SI: variants seen among roughly 807,000 people sequenced by gnomAD.
SI encodes the protein sucrase-isomaltase.
A neutral mutation model predicts 253.3 loss-of-function variants in SI; 235 were observed. The ratio of observed to expected loss-of-function variants is 0.93; its 90% confidence interval spans 0.83 to 1.03. The LOEUF (loss-of-function observed/expected upper bound fraction) is 1.03. Ranked by LOEUF, SI falls within the 50% of genes least tolerant of loss-of-function variation. SI has a pLI of 0.00. For synonymous variants in SI, 819 were observed against 712.0 expected, an observed-to-expected ratio of 1.15 and a Z score of -2.39; for missense variants, 2,442 against 2,211.1, an observed-to-expected ratio of 1.10 and a Z score of -2.09.
the SI span, among the ~76,000 whole-genome samples, chr3:165,089,857 A>AC: frequency 1.8e-3 from 275 of 152,128 alleles, 2 homozygotes; most frequent in Admixed American, 0.016. Flanking sequence ...GCACCTTATA[A>AC]CATTGGAGCT....
At position 165,000,597 on chromosome 3, in the gene SI, G is replaced by A. The variant is rs149024751; in HGVS notation, c.4407-1924C>T. 4.3e-3 allele frequency among the ~76,000 whole-genome samples: 649 copies of A among 151,294 alleles called. 3 individuals carry two copies. Among genetic ancestry groups the A allele is most frequent in the African/African-American group, 0.015 (630 of 41,444 alleles). On this transcript the variant is annotated intron_variant, in intron 37 of 47. Transcript: ENST00000264382. The stretch of plus-strand genomic sequence containing the variant: ...ATTAAAATAAAACTATAAAATAAAT[G>A]AGGTATTTTCATAATAATTTTCTCT...
rs143785192 is a variant in SI, at chr3:164,992,114, G to T, written c.4983+63C>A. The T allele has an allele frequency of 6.0e-6, 8 of 1,340,174 alleles. No individual in the cohort carries two copies. In the African/African-American group the frequency reaches 7.2e-5, roughly 12 times the overall value. The allele number at this position is 1,340,174 out of a possible 1,614,324, so 83.0% of individuals were successfully genotyped here. A position where few individuals can be genotyped will look rare whatever the true frequency, so the allele number is the denominator to read the frequency against. ...AATCCAACATACCGTTAATGAAAAG[G>T]CTAGGGCCAAACAATTACCCGTTTC... On this transcript the variant is annotated intron_variant, in intron 43 of 47. Coordinates refer to ENST00000264382, the MANE Select transcript of SI (RefSeq NM_001041.4).
rs140894992 is a variant in SI, at chr3:164,982,326, C to T, written c.5332G>A (p.Gly1778Arg). 1.6e-5 allele frequency: 25 copies of T among 1,612,834 alleles called. No individual in the cohort carries two copies. Among genetic ancestry groups the T allele is most frequent in the Admixed American group, 3.3e-5 (2 of 59,868 alleles). ...GTAACTGCATTGACAGGAGTAGTTC[C>T]TTTCCCCCATACATGAAGGGATCCA... ...RLGSLHVWGK[G>R]TTPVNAVTLT... Residue 1778 changes from glycine to arginine, a missense_variant, in exon 47 of 48, where the codon GGA (glycine) becomes AGA (arginine). Gly to Arg is a moderately radical substitution (Grantham distance 125). Coordinates refer to ENST00000264382, the MANE Select transcript of SI (RefSeq NM_001041.4).
intron 24 of SI, among the ~76,000 whole-genome samples, chr3:165,031,563 C>T (rs948265721): frequency 1.5e-4 from 23 of 149,458 alleles, no homozygotes; most frequent in Non-Finnish European, 3.1e-4. Context: ...CATAATATGC[C>T]TATTAAATAA....
intron 25 of SI, among the ~76,000 whole-genome samples, chr3:165,026,479 T>A (rs1711927811): frequency 6.6e-6 from 1 of 151,052 alleles, no homozygotes; most frequent in Non-Finnish European, 1.5e-5. Context: ...CCAGAAAAAA[T>A]GGACTTAACA....
rs74590097 is a variant in SI, at chr3:165,045,848, A to ATT, written c.1887+991_1887+992dup. Among the ~76,000 whole-genome samples, 97 of 120,808 alleles carry ATT rather than the reference A, an allele frequency of 8.0e-4. 1 individual carries two copies. The highest frequency in any genetic ancestry group is 1.3e-3 in the East Asian group (5 of 3,980). The allele number at this position is 120,808 out of a possible 152,430, so 79.3% of individuals were successfully genotyped here. ...AATGAATTTGATAATATGTTTTTCA[A>ATT]TTTTTTTTTTTTTTTTTTTTGAGAT... On this transcript the variant is annotated intron_variant, in intron 16 of 47. Coordinates refer to ENST00000264382, the MANE Select transcript of SI (RefSeq NM_001041.4).
chr3:165,040,501 T>C (rs1332355043), intron 18 of SI, among the ~76,000 whole-genome samples: 1 of 152,048 alleles, frequency 6.6e-6, no homozygotes, highest in Non-Finnish European at 1.5e-5. Flanking sequence ...CTCTAGTTTT[T>C]ACCTGAATTT....
rs757380218 is a variant in SI at position 165,043,068 on chromosome 3, G to T, written c.1995C>A (p.Asp665Glu). 6.3e-7 allele frequency: 1 copy of T among 1,595,788 alleles called. No homozygotes were observed. The highest frequency in any genetic ancestry group is 1.7e-5 in the Admixed American group (1 of 59,854). Reference protein sequence around the residue: ...FYPFSRNHNSDGYEHQDPAFF... With the variant: ...FYPFSRNHNSEGYEHQDPAFF... ...AACAAGAGGCTCTTACTTCATATCC[G>T]TCAGAATTATGGTTTCTGGAAAATG... The change falls in exon 17 of 48, where the codon GAC becomes GAA. Residue 665 changes from aspartate (D) to glutamate (E), a missense_variant. By Grantham distance (45) the Asp-to-Glu change is conservative. Transcript: ENST00000264382.
chr3:164,988,031 A>G (rs1265503736), intron 44 of SI, among the ~76,000 whole-genome samples: 1 of 152,216 alleles, frequency 6.6e-6, no homozygotes, highest in Admixed American at 6.5e-5. Context: ...GTAATAGAGA[A>G]TACCTTTCAA....
chr3:165,054,862 A>C (rs1713617082), intron 13 of SI, among the ~76,000 whole-genome samples: 1 of 152,140 alleles, frequency 6.6e-6, no homozygotes, highest in African/African-American at 2.4e-5. Context: ...TGCTAATTGC[A>C]CTGCAATAGG....
rs1576907905 is a variant in SI at position 165,047,422 on chromosome 3, T to C, written c.1716-410A>G. 3.3e-5 allele frequency among the ~76,000 whole-genome samples: 5 copies of C among 152,252 alleles called. No homozygotes were observed. In the South Asian group the frequency reaches 6.2e-4, roughly 19 times the overall value. On this transcript the variant is annotated intron_variant, in intron 15 of 47. Transcript: ENST00000264382. ...CCAATAAACCTCCTTCTTTAGTAAA[T>C]TGCCCAGTCTCAGGTATGTCTTATC...
chr3:165,023,612 A>T lies in SI; in HGVS notation c.3057T>A (p.Arg1019=), dbSNP rs756077835. The T allele has an allele frequency of 6.2e-7, 1 of 1,610,776 alleles. No individual in the cohort carries two copies. The highest frequency in any genetic ancestry group is 1.1e-5 in the South Asian group (1 of 91,056). The change falls in exon 26 of 48, where the codon CGT becomes CGA. Residue 1019 remains arginine, a synonymous_variant. Transcript: ENST00000264382. The stretch of plus-strand genomic sequence containing the variant: ...CATTTTTGTGATATTTCACCTCCAC[A>T]CGAAGAGTTGAGATGGGGTCAGAAG... ...KLPSDPISTL[R]VEVKYHKNDM...
chr3:164,998,223 T>A (rs1718104140), intron 38 of SI, among the ~76,000 whole-genome samples: 1 of 151,750 alleles, frequency 6.6e-6, no homozygotes, highest in East Asian at 1.9e-4. Flanking sequence ...AGCTATGAAA[T>A]CTAGAATTTC....
At chr3:165,047,829 A>C (rs1210627493) in intron 15 of SI, among the ~76,000 whole-genome samples, 1 of 115,290 alleles carries the variant, frequency 8.7e-6, no homozygotes, top group East Asian at 2.6e-4. Context: ...GATAAAACTT[A>C]CATAATTAAG....
At chr3:165,086,735 G>C in the SI span, among the ~76,000 whole-genome samples, 2 of 152,182 alleles carry the variant, frequency 1.3e-5, no homozygotes, top group African/African-American at 4.8e-5. Context: ...AAGAGTTACA[G>C]GATATTAGCT....
chr3:165,063,236 A>G (rs1714067549), intron 8 of SI, among the ~76,000 whole-genome samples: 1 of 152,110 alleles, frequency 6.6e-6, no homozygotes, highest in African/African-American at 2.4e-5. Context: ...ACCACAGCAT[A>G]GCATACTCTC....
intron 47 of SI, 39 bp from the exon 48 acceptor site, chr3:164,979,469 C>T (rs757324465): frequency 6.3e-5 from 71 of 1,122,318 alleles, no homozygotes; most frequent in Non-Finnish European, 7.7e-5. Context: ...TTAATCACAA[C>T]CACATTTTTC....
rs375226748 is a variant in SI, at chr3:165,009,384, A to T, written c.4074T>A (p.Ala1358=). 11 of 1,612,576 alleles carry T rather than the reference A, an allele frequency of 6.8e-6. No individual in the cohort carries two copies. The African/African-American group carries it at 9.3e-5, about 14-fold the overall frequency. ...TGAAGAAATCTGGGAAAGCTACATG[A>T]GCTCTGGAAGCCTGTAAAACCAAAA... ...TEDEAVNASR[A]HVAFPDFFRT... Residue 1358 remains alanine (A), a synonymous_variant, in exon 35 of 48, where the codon GCT becomes GCA. Coordinates refer to ENST00000264382, the MANE Select transcript of SI (RefSeq NM_001041.4).
Position 165,001,209 on chromosome 3 carries a change from G to A in SI, c.4407-2536C>T, listed in dbSNP as rs185797553. 7.7e-3 allele frequency among the ~76,000 whole-genome samples: 1,162 copies of A among 151,178 alleles called. 7 individuals carry two copies. The highest frequency in any genetic ancestry group is 0.02 in the Middle Eastern group (6 of 294). ...AAACACTTCTATCTCATGACTGGAC[G>A]GTGTTCTCATGATTGGATGGTGTTA... On this transcript the variant is annotated intron_variant, in intron 37 of 47. Transcript: ENST00000264382.
Sources: gnomAD v4.1 joint callset for allele counts (sites outside exome capture counted in the v4.1 genomes callset) on GRCh38, gnomAD v4.1.1 for gene constraint, MANE v1.5 for transcripts, NCBI Gene and HGNC (gene_info 2026-07-23, HGNC 2026-07-21) for gene names.